The following GBE1 variants were observed in gnomAD, a reference collection of about 807,000 sequenced individuals.
GBE1 encodes 1,4-alpha-glucan-branching enzyme.
In GBE1, 70 loss-of-function variants were observed where a neutral mutation model predicts 88.8. The observed-to-expected ratio is 0.79, with a 90% CI of 0.65 to 0.96. The LOEUF is 0.96. Among genes scored for constraint, GBE1 ranks in the 40% least tolerant of loss-of-function variants. The probability of loss-of-function intolerance (pLI) is 0.00; values close to 1 mark genes in which losing one functional copy is unlikely to be tolerated. For synonymous variants in GBE1, 284 were observed against 300.1 expected, an observed-to-expected ratio of 0.95 and a Z score of 0.56; for missense variants, 872 against 871.0, an observed-to-expected ratio of 1.00 and a Z score of -0.01.
intron 2 of GBE1, among the ~76,000 whole-genome samples, chr3:81,683,461 C>A (rs879611140): frequency 1.3e-5 from 2 of 152,084 alleles, no homozygotes; most frequent in African/African-American, 2.4e-5. Flanking sequence ...GCTGAAGACT[C>A]TATGAAGAAA....
At chr3:81,710,085 T>A (rs1280280776) in intron 1 of GBE1, among the ~76,000 whole-genome samples, 1 of 152,056 alleles carries the variant, frequency 6.6e-6, no homozygotes, top group Non-Finnish European at 1.5e-5. Flanking sequence ...AGACATAAAT[T>A]GTCCAAGATC....
At chr3:81,696,745 A>G (rs1705602215) in intron 2 of GBE1, among the ~76,000 whole-genome samples, 1 of 152,224 alleles carries the variant, frequency 6.6e-6, no homozygotes, top group Non-Finnish European at 1.5e-5. Context: ...GAAACCTAAG[A>G]AAAAGTACTG....
chr3:81,735,962 C>T (rs1706252552), intron 1 of GBE1, among the ~76,000 whole-genome samples: 1 of 152,156 alleles, frequency 6.6e-6, no homozygotes, highest in African/African-American at 2.4e-5. Context: ...TTTCAAAACA[C>T]TGACTGCCAC....
At chr3:81,504,815 GTGTC>G (rs1261632088) in intron 14 of GBE1, among the ~76,000 whole-genome samples, 1 of 152,150 alleles carries the variant, frequency 6.6e-6, no homozygotes, top group Non-Finnish European at 1.5e-5. Context: ...ACTTGATAAA[GTGTC>G]TGTTCAAAGT....
At position 81,663,250 on chromosome 3, in the gene GBE1, C is replaced by G. The variant is rs34682669; in HGVS notation, c.429+7588G>C. On this transcript the variant is annotated intron_variant, in intron 3 of 15. Transcript: ENST00000429644. ...AATACCACCCTGGCCCGCCAGGAAC[C>G]ATCATGGGCCTATAAAAACCCAAGA... is the stretch of plus-strand genomic sequence containing the variant. 7.6e-3 allele frequency among the ~76,000 whole-genome samples: 1,153 copies of G among 152,272 alleles called. 7 individuals are homozygous for G. The highest frequency in any genetic ancestry group is 0.011 in the Non-Finnish European group (782 of 68,012).
At chr3:81,605,774 T>C (rs1027764814) in intron 7 of GBE1, among the ~76,000 whole-genome samples, 1 of 152,092 alleles carries the variant, frequency 6.6e-6, no homozygotes, top group South Asian at 2.1e-4. Context: ...AACTCAGTTG[T>C]GGTAGGGAGA....
chr3:81,640,440 T>C (rs1313703668), intron 7 of GBE1, among the ~76,000 whole-genome samples: 1 of 152,068 alleles, frequency 6.6e-6, no homozygotes, highest in Admixed American at 6.6e-5. Context: ...TTTTGGACTC[T>C]TGGGCCTTTC....
rs145525350 is a variant in GBE1 at position 81,517,993 on chromosome 3, A to G, written c.1934+17202T>C. Among the ~76,000 whole-genome samples, 358 of 151,344 alleles carry G rather than the reference A, an allele frequency of 2.4e-3. 2 individuals are homozygous for G. The highest frequency in any genetic ancestry group is 8.3e-3 in the African/African-American group (342 of 41,404). On this transcript the variant is annotated intron_variant, in intron 14 of 15. Coordinates refer to ENST00000429644, the MANE Select transcript of GBE1 (RefSeq NM_000158.4). Reference sequence around the variant, plus strand: ...ACATATCATTGTTGATATATAGGTAATACTCTGTCTTATCATCCATCTCGA... The same window carrying G: ...ACATATCATTGTTGATATATAGGTAGTACTCTGTCTTATCATCCATCTCGA...
intron 1 of GBE1, among the ~76,000 whole-genome samples, chr3:81,734,652 A>G (rs368885832): frequency 5.3e-5 from 8 of 152,282 alleles, no homozygotes; most frequent in African/African-American, 1.9e-4. Flanking sequence ...TCCATGAGCC[A>G]TATTATGATG....
intron 11 of GBE1, among the ~76,000 whole-genome samples, chr3:81,578,410 T>A (rs545269091): frequency 5.0e-4 from 76 of 152,000 alleles, no homozygotes; most frequent in African/African-American, 1.8e-3. Flanking sequence ...TTCTGAAACA[T>A]TTATTATAAT....
At chr3:81,661,065 G>GA (rs1412355211) in intron 3 of GBE1, among the ~76,000 whole-genome samples, 3 of 150,926 alleles carry the variant, frequency 2.0e-5, no homozygotes, top group Non-Finnish European at 3.0e-5. Context: ...AAGCTCTCTT[G>GA]AAAAAAAATT....
At chr3:81,525,310 T>C (rs1326526056) in intron 14 of GBE1, among the ~76,000 whole-genome samples, 1 of 152,046 alleles carries the variant, frequency 6.6e-6, no homozygotes, top group Non-Finnish European at 1.5e-5. Flanking sequence ...TGTCATTGGT[T>C]CTGTTTATAT....
intron 7 of GBE1, among the ~76,000 whole-genome samples, chr3:81,610,042 A>C (rs563123504): frequency 6.6e-6 from 1 of 152,342 alleles, no homozygotes; most frequent in South Asian, 2.1e-4. Flanking sequence ...AAACATGTGA[A>C]AGTGTCAAGA....
At chr3:81,600,919 T>C (rs1359889836) in intron 7 of GBE1, among the ~76,000 whole-genome samples, 2 of 152,098 alleles carry the variant, frequency 1.3e-5, no homozygotes, top group Non-Finnish European at 2.9e-5. Flanking sequence ...TGCACATGCA[T>C]GCGTGTGTGT....
intron 2 of GBE1, among the ~76,000 whole-genome samples, chr3:81,702,102 A>AGAGAGAGT (rs1468506890): frequency 2.0e-4 from 23 of 115,466 alleles, no homozygotes; most frequent in African/African-American, 5.5e-4. Context: ...AGAGAGAGAG[A>AGAGAGAGT]GTGTGTGTGT....
At chr3:81,540,116 G>C (rs569873673) in intron 12 of GBE1, among the ~76,000 whole-genome samples, 1 of 152,054 alleles carries the variant, frequency 6.6e-6, no homozygotes, top group Admixed American at 6.6e-5. Context: ...AAGGATGGTG[G>C]TCAGTAGCAT....
At chr3:81,743,489 A>G (rs1706379627) in intron 1 of GBE1, 5 of 1,056,332 alleles carry the variant, frequency 4.7e-6, no homozygotes, top group African/African-American at 1.6e-5. Context: ...CAGAGAATCA[A>G]TCTTTCCAAC....
chr3:81,535,580 G>T (rs1191555350), intron 13 of GBE1, among the ~76,000 whole-genome samples: 1 of 151,986 alleles, frequency 6.6e-6, no homozygotes, highest in East Asian at 1.9e-4. Context: ...AAACAGTGTT[G>T]TGGCTCAGGT....
chr3:81,585,410 T>C (rs1021926525), intron 10 of GBE1, among the ~76,000 whole-genome samples: 1 of 152,062 alleles, frequency 6.6e-6, no homozygotes, highest in Non-Finnish European at 1.5e-5. Flanking sequence ...TGACTCCTTA[T>C]ATATATTCAG....
Sources: gnomAD v4.1 joint callset for allele counts (sites outside exome capture counted in the v4.1 genomes callset) on GRCh38, gnomAD v4.1.1 for gene constraint, MANE v1.5 for transcripts, NCBI Gene and HGNC (gene_info 2026-07-23, HGNC 2026-07-21) for gene names.